Variants in CEP112 observed in about 807,000 individuals in gnomAD.
CEP112 encodes centrosomal protein 112, also known as centrosomal protein of 112 kDa.
A neutral mutation model predicts 153.0 loss-of-function variants in CEP112; 127 were observed. The observed-to-expected ratio is 0.83, with a 90% CI of 0.72 to 0.96. The LOEUF (loss-of-function observed/expected upper bound fraction) is 0.96. Among genes scored for constraint, CEP112 ranks in the 40% least tolerant of loss-of-function variants. The probability of loss-of-function intolerance (pLI) is 0.00; values close to 1 mark genes in which losing one functional copy is unlikely to be tolerated. For missense variants in CEP112, 1,089 were observed against 1,101.2 expected, an observed-to-expected ratio of 0.99 and a Z score of 0.16; for synonymous variants, 358 against 374.4, an observed-to-expected ratio of 0.96 and a Z score of 0.51.
At chr17:65,812,207 G>T (rs1185837382) in intron 21 of CEP112, among the ~76,000 whole-genome samples, 1 of 152,120 alleles carries the variant, frequency 6.6e-6, no homozygotes, top group African/African-American at 2.4e-5. Context: ...GTTTCACCAT[G>T]TTAGCCAGGA....
At chr17:66,189,076 AC>A (rs2146956314) in intron 1 of CEP112, among the ~76,000 whole-genome samples, 1 of 152,342 alleles carries the variant, frequency 6.6e-6, no homozygotes, top group South Asian at 2.1e-4. Context: ...CTAAAATTCA[AC>A]CATTAAATGA....
chr17:65,959,374 C>T (rs1008927449), intron 18 of CEP112, among the ~76,000 whole-genome samples: 2 of 152,220 alleles, frequency 1.3e-5, no homozygotes, highest in Non-Finnish European at 2.9e-5. Context: ...CTCAATGAAG[C>T]TCCTCTTTGT....
intron 19 of CEP112, among the ~76,000 whole-genome samples, chr17:65,925,040 T>G (rs1399235670): frequency 1.3e-5 from 2 of 152,146 alleles, no homozygotes; most frequent in African/African-American, 2.4e-5. Context: ...GGTGATATGG[T>G]TTGGCTGTGT....
intron 24 of CEP112, among the ~76,000 whole-genome samples, chr17:65,675,938 T>C (rs918615226): frequency 6.6e-6 from 1 of 152,196 alleles, no homozygotes; most frequent in Non-Finnish European, 1.5e-5. Flanking sequence ...AATGAACTCT[T>C]ACTAAGAATA....
chr17:66,074,147 A>G (rs1401050282), intron 8 of CEP112, among the ~76,000 whole-genome samples: 2 of 152,154 alleles, frequency 1.3e-5, no homozygotes, highest in African/African-American at 2.4e-5. Context: ...GATGGAAATT[A>G]TAAAAAGGAA....
rs370617872 is a variant in CEP112 at position 65,645,335 on chromosome 17, T to C, written c.2698-4270A>G. 3.9e-5 allele frequency among the ~76,000 whole-genome samples: 6 copies of C among 152,262 alleles called. No individual in the cohort carries two copies. The East Asian group carries it at 7.7e-4, about 20-fold the overall frequency. ...CTTCCTGCCTCAGCCTCCTGAGTAGTTGGAATTACGTGCATGCATCACTGC... is the reference window on the plus strand; with the variant it reads ...CTTCCTGCCTCAGCCTCCTGAGTAGCTGGAATTACGTGCATGCATCACTGC... On this transcript the variant is annotated intron_variant, in intron 24 of 26. Coordinates refer to ENST00000535342, the MANE Select transcript of CEP112 (RefSeq NM_001199165.4).
At chr17:65,949,425 G>A (rs1037663417) in intron 18 of CEP112, among the ~76,000 whole-genome samples, 1 of 152,114 alleles carries the variant, frequency 6.6e-6, no homozygotes, top group Non-Finnish European at 1.5e-5. Context: ...AGTTTTCGAG[G>A]AGTCCGAATC....
chr17:65,996,129 C>CGTGTGT (rs3055983), intron 17 of CEP112, among the ~76,000 whole-genome samples: 3,522 of 145,760 alleles, frequency 0.024, 74 homozygotes, highest in Non-Finnish European at 0.036. Flanking sequence ...GAAAAATATA[C>CGTGTGT]GTGTGTGTGT....
At chr17:65,760,917 A>C (rs1285352204) in intron 21 of CEP112, among the ~76,000 whole-genome samples, 4 of 152,024 alleles carry the variant, frequency 2.6e-5, no homozygotes, top group Non-Finnish European at 5.9e-5. Context: ...TTAATTATTG[A>C]TTCGATTGCC....
intron 23 of CEP112, among the ~76,000 whole-genome samples, chr17:65,708,247 T>C (rs956125803): frequency 1.3e-5 from 2 of 152,170 alleles, no homozygotes; most frequent in Non-Finnish European, 2.9e-5. Flanking sequence ...TATTTCCCCA[T>C]TGATGTGCTG....
intron 4 of CEP112, among the ~76,000 whole-genome samples, chr17:66,148,833 A>ACTTTTT (rs763548206): frequency 1.3e-5 from 2 of 149,448 alleles, no homozygotes; most frequent in Non-Finnish European, 2.9e-5. Flanking sequence ...ATTTTGGATG[A>ACTTTTT]CTTTTTCTTT....
At chr17:65,917,347 G>GT (rs1386248097) in intron 19 of CEP112, among the ~76,000 whole-genome samples, 1 of 152,110 alleles carries the variant, frequency 6.6e-6, no homozygotes, top group Non-Finnish European at 1.5e-5. Context: ...ATAAAAGAGA[G>GT]TAAGAGCAGC....
At chr17:66,087,687 T>C (rs922374913) in intron 8 of CEP112, among the ~76,000 whole-genome samples, 4 of 152,110 alleles carry the variant, frequency 2.6e-5, no homozygotes, top group Non-Finnish European at 5.9e-5. Context: ...AGGTGAAATA[T>C]TACAGCACGA....
chr17:65,832,538 A>T (rs540689777), intron 21 of CEP112, among the ~76,000 whole-genome samples: 1 of 152,284 alleles, frequency 6.6e-6, no homozygotes, highest in East Asian at 1.9e-4. Context: ...CTGACCCCAC[A>T]GAAATAAAAA....
intron 21 of CEP112, among the ~76,000 whole-genome samples, chr17:65,753,980 T>C (rs2052053564): frequency 6.6e-6 from 1 of 152,128 alleles, no homozygotes; most frequent in Admixed American, 6.5e-5. Context: ...ATTCATCCAC[T>C]CTAGGCAGCT....
chr17:65,715,497 C>T (rs562551753), intron 23 of CEP112, among the ~76,000 whole-genome samples: 1 of 151,916 alleles, frequency 6.6e-6, no homozygotes, highest in Non-Finnish European at 1.5e-5. Context: ...GTCGCTCAGG[C>T]TGGAGTGCAG....
At chr17:66,184,985 G>A (rs1332334044) in intron 1 of CEP112, among the ~76,000 whole-genome samples, 4 of 152,074 alleles carry the variant, frequency 2.6e-5, no homozygotes, top group Admixed American at 2.6e-4. Flanking sequence ...TTCTCAAAAG[G>A]CTGCATACTA....
intron 12 of CEP112, among the ~76,000 whole-genome samples, chr17:66,044,603 C>T (rs939265971): frequency 3.3e-5 from 5 of 152,140 alleles, no homozygotes; most frequent in South Asian, 4.1e-4. Context: ...AAGTGAAATA[C>T]GCCAGTCACT....
intron 17 of CEP112, among the ~76,000 whole-genome samples, chr17:65,979,758 T>G (rs1451974296): frequency 2.0e-5 from 3 of 152,116 alleles, no homozygotes; most frequent in African/African-American, 7.2e-5. Context: ...AGAAAATTAT[T>G]AAAATGAAAC....
Sources: gnomAD v4.1 joint callset for allele counts (sites outside exome capture counted in the v4.1 genomes callset) on GRCh38, gnomAD v4.1.1 for gene constraint, MANE v1.5 for transcripts, NCBI Gene and HGNC (gene_info 2026-07-23, HGNC 2026-07-21) for gene names.